Variants in IRAG2 observed in about 807,000 individuals in gnomAD.
IRAG2 encodes inositol 1,4,5-triphosphate receptor associated 2.
IRAG2 carries 45 observed loss-of-function variants against 69.9 expected under a neutral mutation model. The observed-to-expected ratio is 0.64, with a 90% confidence interval of 0.51 to 0.83. The LOEUF is 0.83. Among genes scored for constraint, IRAG2 ranks in the 40% least tolerant of loss-of-function variants. The pLI, the probability that IRAG2 is intolerant of heterozygous loss-of-function variation, is 0.00. For synonymous variants in IRAG2, 193 were observed against 202.4 expected (o/e 0.95, Z 0.40); for missense variants, 520 against 587.0 (o/e 0.89, Z 1.18).
intron 6 of IRAG2, among the ~76,000 whole-genome samples, chr12:25,078,816 G>A (rs1421026246): frequency 6.6e-6 from 1 of 152,172 alleles, no homozygotes; most frequent in African/African-American, 2.4e-5. Context: ...GATTTTTCTA[G>A]CTAGAAAACT....
chr12:25,048,106 T>C (rs559290215), upstream of IRAG2, among the ~76,000 whole-genome samples: 121 of 152,316 alleles, frequency 7.9e-4, no homozygotes, highest in African/African-American at 2.9e-3. Context: ...CCTTTTTCTC[T>C]GCAACCTCAC....
At chr12:25,100,979 C>A in intron 15 of IRAG2, 199 bp from the exon 16 acceptor site, 1 of 427,288 alleles carries the variant, frequency 2.3e-6, no homozygotes, top group African/African-American at 2.0e-5. Flanking sequence ...TGCCACTAGT[C>A]CTTCTATCCA....
intron 1 of IRAG2, among the ~76,000 whole-genome samples, chr12:25,057,694 A>G (rs1945354895): frequency 6.6e-6 from 1 of 152,128 alleles, no homozygotes. Context: ...CGAGTATACT[A>G]TTCAACCAGG....
intron 6 of IRAG2, among the ~76,000 whole-genome samples, chr12:25,072,708 T>C (rs1218306155): frequency 3.3e-5 from 5 of 152,232 alleles, no homozygotes; most frequent in African/African-American, 9.6e-5. Context: ...TGTCAATCTC[T>C]ACAGCCTTAT....
chr12:25,101,311 C>T lies in IRAG2; in HGVS notation c.875C>T (p.Pro292Leu). Residue 292 changes from proline (P) to leucine (L), a missense_variant, in exon 16 of 22, where the codon CCT (proline) becomes CTT (leucine). Physicochemically the swap from Pro to Leu is moderately conservative, Grantham distance 98 (BLOSUM62 -3). Coordinates refer to ENST00000556887, the MANE Select transcript of IRAG2 (RefSeq NM_001366544.2). ...VLLQNERSFNPLEDDDDCQIK... is the reference protein window; with the variant it reads ...VLLQNERSFNLLEDDDDCQIK... ...CTGCAGAATGAAAGGTCTTTCAATC[C>T]TCTTGAAGATGATGGTAATAAAAGT... 1 of 1,593,350 alleles carries T rather than the reference C, an allele frequency of 6.3e-7. No individual in the cohort carries two copies. The highest frequency in any genetic ancestry group is 1.3e-5 in the African/African-American group (1 of 74,154).
At chr12:25,070,249 C>T (rs1946250952) in intron 6 of IRAG2, among the ~76,000 whole-genome samples, 1 of 152,164 alleles carries the variant, frequency 6.6e-6, no homozygotes, top group Non-Finnish European at 1.5e-5. Context: ...ACTGCGTACC[C>T]ATTGGTAGTC....
chr12:25,041,270 A>C (rs956948423), intron 16 of IRAG2, among the ~76,000 whole-genome samples: 7 of 152,204 alleles, frequency 4.6e-5, no homozygotes, highest in African/African-American at 1.7e-4. Flanking sequence ...TTTGCAGTCC[A>C]TGTTTAGGAG....
chr12:25,049,205 T>G (rs1944820921), upstream of IRAG2, among the ~76,000 whole-genome samples: 1 of 152,232 alleles, frequency 6.6e-6, no homozygotes, highest in African/African-American at 2.4e-5. Context: ...TCTCTTTTCT[T>G]AGGATTGTCT....
At chr12:25,025,945 T>C (rs1222357753) in intron 8 of IRAG2, among the ~76,000 whole-genome samples, 2 of 152,136 alleles carry the variant, frequency 1.3e-5, no homozygotes, top group Admixed American at 1.3e-4. Flanking sequence ...GGTTCGAAAA[T>C]TTTTTGTAAA....
chr12:25,101,329 A>C lies in IRAG2; in HGVS notation c.889+4A>C, dbSNP rs1324886692. 1 of 1,581,122 alleles carries C rather than the reference A, an allele frequency of 6.3e-7. No individual in the cohort carries two copies. The highest frequency in any genetic ancestry group is 8.6e-7 in the Non-Finnish European group (1 of 1,162,886). ...TTCAATCCTCTTGAAGATGATGGTAATAAAAGTTTATGATAATAGTATTAG... is the reference window on the plus strand; with the variant it reads ...TTCAATCCTCTTGAAGATGATGGTACTAAAAGTTTATGATAATAGTATTAG... On this transcript the variant is annotated splice_donor_region_variant and intron_variant, in intron 16 of 21. Transcript: ENST00000556887.
In IRAG2 at chr12:25,103,837, C is replaced by G. The variant is rs1248303232; in HGVS notation, c.934C>G (p.Pro312Ala). The G allele has an allele frequency of 1.2e-6, 2 of 1,608,636 alleles. No homozygotes were observed. Among genetic ancestry groups the G allele is most frequent in the Non-Finnish European group, 1.7e-6 (2 of 1,175,726 alleles). Residue 312 changes from proline (P) to alanine (A), a missense_variant and splice_region_variant, in exon 18 of 22, where the codon CCA becomes GCA. Transcript: ENST00000556887. ...KKRSASLNSK[P>A]SSLRRVTIAS... Reference sequence around the variant, plus strand: ...ATGTACATTTTCCTCCTTCTGGTAGCCATCTTCTCTACGAAGAGTGACTAT... The same window carrying G: ...ATGTACATTTTCCTCCTTCTGGTAGGCATCTTCTCTACGAAGAGTGACTAT...
chr12:25,076,077 TC>T (rs1211998537), intron 6 of IRAG2, among the ~76,000 whole-genome samples: 7 of 150,336 alleles, frequency 4.7e-5, no homozygotes, highest in Admixed American at 2.0e-4. Context: ...TGAAACCAGA[TC>T]AAAAAAAAAA....
chr12:25,076,357 A>G (rs1052984836), intron 6 of IRAG2: 64 of 929,780 alleles, frequency 6.9e-5, no homozygotes, highest in Admixed American at 2.5e-4. Flanking sequence ...ATTTATTGAA[A>G]GACTTCTAAC....
intron 6 of IRAG2, among the ~76,000 whole-genome samples, chr12:25,074,289 C>A (rs1040999258): frequency 6.6e-6 from 1 of 152,220 alleles, no homozygotes; most frequent in Non-Finnish European, 1.5e-5. Context: ...CACTGCCTCT[C>A]AATGCCTTGT....
In IRAG2 at chr12:25,089,697, G is replaced by A; in HGVS notation, c.437+20G>A. The stretch of plus-strand genomic sequence containing the variant: ...TGAGAAGTAAGTGCTTCTTCATGTA[G>A]CATGTTAACATGTTTTATTTTTCTG... On this transcript the variant is annotated intron_variant, in intron 12 of 21. Coordinates refer to ENST00000556887, the MANE Select transcript of IRAG2 (RefSeq NM_001366544.2). 1 of 1,608,584 alleles carries A rather than the reference G, an allele frequency of 6.2e-7. No individual in the cohort carries two copies. Among genetic ancestry groups the A allele is most frequent in the Non-Finnish European group, 8.5e-7 (1 of 1,175,272 alleles).
At chr12:25,086,376 G>C (rs538225630) in intron 10 of IRAG2, among the ~76,000 whole-genome samples, 1 of 152,324 alleles carries the variant, frequency 6.6e-6, no homozygotes, top group South Asian at 2.1e-4. Context: ...AGTAGAATTT[G>C]TGGGGTAAAA....
chr12:25,062,583 G>A (rs972767002), intron 2 of IRAG2, among the ~76,000 whole-genome samples: 1 of 152,236 alleles, frequency 6.6e-6, no homozygotes, highest in Non-Finnish European at 1.5e-5. Context: ...CAGTGACAAA[G>A]CCATTCAGTT....
intron 16 of IRAG2, among the ~76,000 whole-genome samples, chr12:25,101,620 G>A (rs1044824668): frequency 4.6e-5 from 7 of 152,080 alleles, no homozygotes; most frequent in African/African-American, 1.7e-4. Context: ...CCCTACTTAG[G>A]ATACATTAGA....
In IRAG2 at chr12:25,107,837, G is replaced by A. The variant is rs775728989; in HGVS notation, c.1277G>A (p.Trp426Ter). ...VSSVYDTIAS[W>*]ATNLKSSIRK... is the part of the protein sequence containing the mutation. ...TATAGTTATGACACAATAGCTTCCT[G>A]GGCAACAAATCTCAAGTCCTCCATC... Residue 426 changes from tryptophan (W) to a stop codon, truncating the protein, a stop_gained, in exon 22 of 22, where the codon TGG (tryptophan) becomes TAG (stop). Coordinates refer to ENST00000556887, the MANE Select transcript of IRAG2 (RefSeq NM_001366544.2). LOFTEE classifies it low-confidence loss of function (END_TRUNC). 6.2e-7 allele frequency: 1 copy of A among 1,613,490 alleles called. No individual in the cohort carries two copies. The highest frequency in any genetic ancestry group is 8.5e-7 in the Non-Finnish European group (1 of 1,179,446).
Sources: allele counts gnomAD v4.1 joint callset (sites outside exome capture counted in the v4.1 genomes callset), GRCh38; gene constraint gnomAD v4.1.1; transcripts MANE v1.5; gene names NCBI Gene and HGNC (gene_info 2026-07-23, HGNC 2026-07-21).